GNL1: variants seen among roughly 807,000 people sequenced by gnomAD.
GNL1 encodes G protein nucleolar 1.
In GNL1, 21 loss-of-function variants were observed where a neutral mutation model predicts 75.2. That is an observed-to-expected ratio of 0.28 (90% CI 0.20 to 0.40). The LOEUF is 0.40. GNL1 is among the 10% of genes least tolerant of loss of function. The pLI, the probability that GNL1 is intolerant of heterozygous loss-of-function variation, is 1.00. For synonymous variants in GNL1, 287 were observed against 303.4 expected (o/e 0.95, Z 0.56); for missense variants, 579 against 775.0 (o/e 0.75, Z 3.00).
chr6:30,555,148 T>C lies in GNL1; in HGVS notation c.283A>G (p.Arg95Gly), dbSNP rs1366701995. 1 of 1,612,986 alleles carries C rather than the reference T, an allele frequency of 6.2e-7. No individual in the cohort carries two copies. Among genetic ancestry groups the C allele is most frequent in the South Asian group, 1.1e-5 (1 of 91,086 alleles). Residue 95 changes from arginine to glycine, a missense_variant, in exon 3 of 12, where the codon AGG becomes GGG. Physicochemically the swap from Arg to Gly is moderately radical, Grantham distance 125 (BLOSUM62 -2). Transcript: ENST00000376621. This position sits in a 1 kb window ranked among gnomAD's most constrained non-coding sequence, Gnocchi z 4.3. ...TGCTCCCGGGCTGCTCTCTTTCTCCTCTCTACCTCCTCCCTGCTGTCTCTC... is the reference window on the plus strand; with the variant it reads ...TGCTCCCGGGCTGCTCTCTTTCTCCCCTCTACCTCCTCCCTGCTGTCTCTC... ...FERDSREEVE[R>G]RKRAAREQVL...
chr6:30,552,656 A>G lies in GNL1; in HGVS notation c.910T>C (p.Leu304=), dbSNP rs367682974. The G allele has an allele frequency of 1.9e-6, 3 of 1,613,056 alleles. No individual in the cohort carries two copies. Among genetic ancestry groups the G allele is most frequent in the Non-Finnish European group, 1.7e-6 (2 of 1,179,336 alleles). ...GCAATCTTCTCCCGCCAGCTGCTCA[A>G]GTCCACTGCTCAAAGAAGGAGAAGA... The part of the protein sequence containing the change: ...CEAITVGKVD[L]SSWREKIARD... Residue 304 remains leucine, a synonymous_variant, in exon 8 of 12, where the codon TTG becomes CTG. Transcript: ENST00000376621. The surrounding 1 kb of genome is among the most constrained non-coding windows in gnomAD (Gnocchi z 4.5).
chr6:30,548,825 G>A lies in GNL1; in HGVS notation c.1100-1295C>T, dbSNP rs1043224940. Among the ~76,000 whole-genome samples the A allele has an allele frequency of 2.6e-5, 4 of 152,214 alleles. No homozygotes were observed. In the East Asian group the frequency reaches 5.8e-4, roughly 22 times the overall value. Reference sequence around the variant, plus strand: ...CACCACCAGACCTAGTTCTCTGTCCGCTTTGCAGGAAAACTCCTTAAAAGA... The same window carrying A: ...CACCACCAGACCTAGTTCTCTGTCCACTTTGCAGGAAAACTCCTTAAAAGA... On this transcript the variant is annotated intron_variant, in intron 8 of 11. Transcript: ENST00000376621. The surrounding 1 kb of genome is among the most constrained non-coding windows in gnomAD (Gnocchi z 4.2).
Position 30,546,613 on chromosome 6 carries a change from T to C in GNL1, c.1582+83A>G, listed in dbSNP as rs1799468881. The C allele has an allele frequency of 8.6e-7, 1 of 1,159,888 alleles. No individual in the cohort carries two copies. The highest frequency in any genetic ancestry group is 1.5e-5 in the African/African-American group (1 of 64,828). The allele number at this position is 1,159,888 out of a possible 1,614,324, so 71.8% of individuals were successfully genotyped here. The stretch of plus-strand genomic sequence containing the variant: ...TAGCCAACAGGTACAGAATCCAGGT[T>C]TGACCCTCTCTCTGGCCACAAAGCC... On this transcript the variant is annotated intron_variant, in intron 11 of 11. Coordinates refer to ENST00000376621, the MANE Select transcript of GNL1 (RefSeq NM_005275.5). This position sits in a 1 kb window ranked among gnomAD's most constrained non-coding sequence, Gnocchi z 5.1.
In GNL1 at chr6:30,546,133, G is replaced by T; in HGVS notation, c.1763C>A (p.Ala588Asp). 1 of 1,571,936 alleles carries T rather than the reference G, an allele frequency of 6.4e-7. No individual in the cohort carries two copies. Among genetic ancestry groups the T allele is most frequent in the East Asian group, 2.3e-5 (1 of 42,652 alleles). The part of the protein sequence containing the change: ...GEGDEETPTS[A>D]PGSSLAGRNP... Reference sequence around the variant, plus strand: ...TCGGCCAGCCAGGCTGGACCCTGGAGCCGAGGTTGGGGTCTCCTCATCCCC... The same window carrying T: ...TCGGCCAGCCAGGCTGGACCCTGGATCCGAGGTTGGGGTCTCCTCATCCCC... The change falls in exon 12 of 12, where the codon GCT (alanine) becomes GAT (aspartate). Residue 588 changes from alanine (A) to aspartate (D), a missense_variant. Ala to Asp is a moderately radical substitution (Grantham distance 126). Transcript: ENST00000376621. This position sits in a 1 kb window ranked among gnomAD's most constrained non-coding sequence, Gnocchi z 5.1.
At position 30,553,139 on chromosome 6, in the gene GNL1, C is replaced by A. The variant is rs1208702485; in HGVS notation, c.849G>T (p.Arg283=). 1 of 1,613,838 alleles carries A rather than the reference C, an allele frequency of 6.2e-7. No individual in the cohort carries two copies. Among genetic ancestry groups the A allele is most frequent in the Non-Finnish European group, 8.5e-7 (1 of 1,179,842 alleles). ...KSRRRGRGWT[R]ALGPEQLLRA... The stretch of plus-strand genomic sequence containing the variant: ...TCAGCAACTGCTCTGGCCCCAGGGC[C>A]CGAGTCCATCCTCTCCCCCGCCTCC... The change falls in exon 7 of 12, where the codon CGG becomes CGT. Residue 283 remains arginine (R), a synonymous_variant. Coordinates refer to ENST00000376621, the MANE Select transcript of GNL1 (RefSeq NM_005275.5).
chr6:30,546,331 GA>G lies in GNL1; in HGVS notation c.1583-19del. ...CCAGGTGCCTGGGGAACCAAAACAAGAAAAAAATGGAGGAGAGTTTTGAGCA... is the reference window on the plus strand; with the variant it reads ...CCAGGTGCCTGGGGAACCAAAACAAGAAAAAATGGAGGAGAGTTTTGAGCA... On this transcript the variant is annotated intron_variant, in intron 11 of 11. Transcript: ENST00000376621. The surrounding 1 kb of genome is among the most constrained non-coding windows in gnomAD (Gnocchi z 5.1). The G allele has an allele frequency of 5.2e-6, 8 of 1,527,598 alleles. No individual in the cohort carries two copies. Among genetic ancestry groups the G allele is most frequent in the East Asian group, 2.3e-5 (1 of 43,668 alleles). The allele number at this position is 1,527,598 out of a possible 1,614,324, so 94.6% of individuals were successfully genotyped here.
At position 30,556,239 on chromosome 6, in the gene GNL1, G is replaced by C. The variant is rs768136447; in HGVS notation, c.-36C>G. On this transcript the variant is annotated 5_prime_UTR_variant, in exon 1 of 12. Coordinates refer to ENST00000376621, the MANE Select transcript of GNL1 (RefSeq NM_005275.5). The surrounding 1 kb of genome is among the most constrained non-coding windows in gnomAD (Gnocchi z 5.7). Reference sequence around the variant, plus strand: ...AGTCACCTGGCCCGCCCTCCGCCGAGCTCCCGCCGCCTCAACTGACTGCCC... The same window carrying C: ...AGTCACCTGGCCCGCCCTCCGCCGACCTCCCGCCGCCTCAACTGACTGCCC... 3 of 1,596,778 alleles carry C rather than the reference G, an allele frequency of 1.9e-6. No individual in the cohort carries two copies. Among genetic ancestry groups the C allele is most frequent in the African/African-American group, 2.7e-5 (2 of 74,962 alleles).
intron 8 of GNL1, among the ~76,000 whole-genome samples, chr6:30,549,380 C>A (rs1290082521): frequency 6.6e-6 from 1 of 152,184 alleles, no homozygotes; most frequent in African/African-American, 2.4e-5. Flanking sequence ...CCTTACATTT[C>A]TCTTTAGTTT....
At position 30,542,012 on chromosome 6, in the gene GNL1, C is replaced by A. The variant is rs1399535936; in HGVS notation, c.*4060G>T. The A allele has an allele frequency of 6.6e-6, 1 of 152,292 alleles. No homozygotes were observed. The highest frequency in any genetic ancestry group is 1.5e-5 in the Non-Finnish European group (1 of 68,044). The allele number at this position is 152,292 out of a possible 1,614,324, so 9.4% of individuals were successfully genotyped here. On this transcript the variant is annotated 3_prime_UTR_variant, in exon 12 of 12. Coordinates refer to ENST00000376621, the MANE Select transcript of GNL1 (RefSeq NM_005275.5). The surrounding 1 kb of genome is among the most constrained non-coding windows in gnomAD (Gnocchi z 4.5). ...CCTTCTTCCTAACATCGTGTTAACA[C>A]ACTCCAAACTAAAAAAGTTCCTCAA...
Position 30,546,138 on chromosome 6 carries a change from G to A in GNL1, c.1758C>T (p.Thr586=), listed in dbSNP as rs1799434636. The A allele has an allele frequency of 6.4e-7, 1 of 1,570,910 alleles. No homozygotes were observed. Among genetic ancestry groups the A allele is most frequent in the Non-Finnish European group, 8.6e-7 (1 of 1,157,808 alleles). Residue 586 remains threonine (T), a synonymous_variant, in exon 12 of 12, where the codon ACC becomes ACT. Transcript: ENST00000376621. The surrounding 1 kb of genome is among the most constrained non-coding windows in gnomAD (Gnocchi z 5.1). ...EEGEGDEETP[T]SAPGSSLAGR... ...CAGCCAGGCTGGACCCTGGAGCCGA[G>A]GTTGGGGTCTCCTCATCCCCTTCTC...
intron 8 of GNL1, among the ~76,000 whole-genome samples, chr6:30,551,807 G>C (rs540871802): frequency 3.3e-5 from 5 of 152,162 alleles, no homozygotes; most frequent in African/African-American, 1.2e-4. Flanking sequence ...TGTTATTATT[G>C]TTATCACTAT....
Position 30,542,367 on chromosome 6 carries a change from GCT to G in GNL1, c.*3703_*3704del, listed in dbSNP as rs1231084994. The G allele has an allele frequency of 6.6e-6, 1 of 152,350 alleles. No individual in the cohort carries two copies. Among genetic ancestry groups the G allele is most frequent in the Admixed American group, 6.6e-5 (1 of 15,234 alleles). The allele number at this position is 152,350 out of a possible 1,614,324, so 9.4% of individuals were successfully genotyped here. ...TCCTGTCTCACTGGCTCCTTTCCCT[GCT>G]CTCCTTTTTATATGTTTCCTGCTTT... is the stretch of plus-strand genomic sequence containing the variant. On this transcript the variant is annotated 3_prime_UTR_variant, in exon 12 of 12. Transcript: ENST00000376621. This position sits in a 1 kb window ranked among gnomAD's most constrained non-coding sequence, Gnocchi z 4.5.
Position 30,545,529 on chromosome 6 carries a change from A to G in GNL1, c.*543T>C, listed in dbSNP as rs1263369282. On this transcript the variant is annotated 3_prime_UTR_variant, in exon 12 of 12. Transcript: ENST00000376621. ...TCCTTATATGCTTGGTGCTCAGCAC[A>G]GGTCAAGACACACAATAGACCCTCA... The G allele has an allele frequency of 6.5e-6, 1 of 154,222 alleles. No homozygotes were observed. Among genetic ancestry groups the G allele is most frequent in the Non-Finnish European group, 1.4e-5 (1 of 69,404 alleles). The allele number at this position is 154,222 out of a possible 1,614,324, so 9.6% of individuals were successfully genotyped here. A position where few individuals can be genotyped will look rare whatever the true frequency, so the allele number is the denominator to read the frequency against.
Position 30,546,200 on chromosome 6 carries a change from C to G in GNL1, c.1696G>C (p.Glu566Gln), listed in dbSNP as rs1799439578. Reference protein sequence around the residue: ...EEEELSSSCEEEGEEDRDADE... With the variant: ...EEEELSSSCEQEGEEDRDADE... ...GCATCCCGGTCCTCCTCTCCCTCCT[C>G]CTCACAGGAGCTGCTCAGCTCTTCC... is the stretch of plus-strand genomic sequence containing the variant. The change falls in exon 12 of 12, where the codon GAG becomes CAG. Residue 566 changes from glutamate (E) to glutamine (Q), a missense_variant. Coordinates refer to ENST00000376621, the MANE Select transcript of GNL1 (RefSeq NM_005275.5). This position sits in a 1 kb window ranked among gnomAD's most constrained non-coding sequence, Gnocchi z 5.1. 1 of 1,546,404 alleles carries G rather than the reference C, an allele frequency of 6.5e-7. No individual in the cohort carries two copies. Among genetic ancestry groups the G allele is most frequent in the African/African-American group, 1.4e-5 (1 of 73,338 alleles).
rs780463767 is a variant in GNL1, at chr6:30,555,057, G to A, written c.374C>T (p.Ser125Leu). The change falls in exon 3 of 12, where the codon TCA becomes TTA. Residue 125 changes from serine (S) to leucine (L), a missense_variant and splice_region_variant. Transcript: ENST00000376621. The surrounding 1 kb of genome is among the most constrained non-coding windows in gnomAD (Gnocchi z 4.3). ...LDIREVYQPG[S>L]VLDFPRRPPW... ...ATGCCTGTCTTGCTCTCACTCACCTGAGCCAGGCTGATACACCTCCCGGAT... is the reference window on the plus strand; with the variant it reads ...ATGCCTGTCTTGCTCTCACTCACCTAAGCCAGGCTGATACACCTCCCGGAT... 2 of 1,612,876 alleles carry A rather than the reference G, an allele frequency of 1.2e-6. No individual in the cohort carries two copies. Among genetic ancestry groups the A allele is most frequent in the African/African-American group, 1.3e-5 (1 of 74,970 alleles).
intron 6 of GNL1, 63 bp downstream of exon 6, chr6:30,553,287 T>A: frequency 1.3e-6 from 2 of 1,482,998 alleles, no homozygotes; most frequent in Non-Finnish European, 1.9e-6. Context: ...AGCCTCTCTG[T>A]TCTCCCCTTT....
At position 30,556,415 on chromosome 6, in the gene GNL1, G is replaced by C. The variant is rs1174514153; in HGVS notation, c.-212C>G. The stretch of plus-strand genomic sequence containing the variant: ...AGTCACTTCCCTCCAGGAGCGAGGC[G>C]AGAGGATGATGCGGGGTGGGCTACT... On this transcript the variant is annotated 5_prime_UTR_variant, in exon 1 of 12. Coordinates refer to ENST00000376621, the MANE Select transcript of GNL1 (RefSeq NM_005275.5). This position sits in a 1 kb window ranked among gnomAD's most constrained non-coding sequence, Gnocchi z 5.7. 2.0e-5 allele frequency: 12 copies of C among 604,078 alleles called. No homozygotes were observed. Among genetic ancestry groups the C allele is most frequent in the Middle Eastern group, 4.3e-4 (1 of 2,312 alleles). The allele number at this position is 604,078 out of a possible 1,614,324, so 37.4% of individuals were successfully genotyped here.
At chr6:30,549,036 CA>C (rs375241681) in intron 8 of GNL1, among the ~76,000 whole-genome samples, 98 of 152,158 alleles carry the variant, frequency 6.4e-4, no homozygotes, top group African/African-American at 2.2e-3. Flanking sequence ...CTCACTCCCT[CA>C]CCCGGGCTGG....
At position 30,545,536 on chromosome 6, in the gene GNL1, GAC is replaced by G. The variant is rs1799395774; in HGVS notation, c.*534_*535del. The G allele has an allele frequency of 1.9e-5, 3 of 157,928 alleles. No individual in the cohort carries two copies. Among genetic ancestry groups the G allele is most frequent in the African/African-American group, 7.2e-5 (3 of 41,470 alleles). 9.8% of individuals were successfully genotyped at this position (157,928 alleles called of 1,614,324 possible). Reference sequence around the variant, plus strand: ...ATGCTTGGTGCTCAGCACAGGTCAAGACACACAATAGACCCTCAATAAATATT... The same window carrying G: ...ATGCTTGGTGCTCAGCACAGGTCAAGACACAATAGACCCTCAATAAATATT... On this transcript the variant is annotated 3_prime_UTR_variant, in exon 12 of 12. Coordinates refer to ENST00000376621, the MANE Select transcript of GNL1 (RefSeq NM_005275.5).
Sources: gnomAD v4.1 joint callset for allele counts (sites outside exome capture counted in the v4.1 genomes callset) on GRCh38, gnomAD v4.1.1 for gene constraint, Gnocchi (gnomAD v3.1) non-coding constraint, MANE v1.5 for transcripts, NCBI Gene and HGNC (gene_info 2026-07-23, HGNC 2026-07-21) for gene names.